Variants in ARHGEF17 observed in about 807,000 individuals in gnomAD.
ARHGEF17 encodes 164 kDa Rho-specific guanine-nucleotide exchange factor.
In ARHGEF17, 80 loss-of-function variants were observed where a neutral mutation model predicts 174.0. That is an observed-to-expected ratio of 0.46 (90% CI 0.38 to 0.55). The LOEUF is 0.55. ARHGEF17 is among the 20% of genes least tolerant of loss of function. The pLI, the probability that ARHGEF17 is intolerant of heterozygous loss-of-function variation, is 0.00. For synonymous variants in ARHGEF17, 1,311 were observed against 1,189.1 expected, an observed-to-expected ratio of 1.10 and a Z score of -2.11; for missense variants, 2,886 against 2,839.7, an observed-to-expected ratio of 1.02 and a Z score of -0.37.
At chr11:73,353,709 A>G (rs1865592770) in intron 3 of ARHGEF17, among the ~76,000 whole-genome samples, 1 of 152,208 alleles carries the variant, frequency 6.6e-6, no homozygotes, top group African/African-American at 2.4e-5. Context: ...ACCACAGGCC[A>G]GATCTCCACT....
At chr11:73,339,269 A>C (rs1865332098) in intron 1 of ARHGEF17, among the ~76,000 whole-genome samples, 1 of 152,238 alleles carries the variant, frequency 6.6e-6, no homozygotes, top group Admixed American at 6.5e-5. Flanking sequence ...TAGGTGCTCT[A>C]TAAGTATTTA....
intron 1 of ARHGEF17, among the ~76,000 whole-genome samples, chr11:73,317,599 A>C (rs1864949926): frequency 6.6e-6 from 1 of 152,238 alleles, no homozygotes; most frequent in East Asian, 1.9e-4. Context: ...GTGCCCAGGC[A>C]GCCTGGCGCC....
chr11:73,348,508 C>A (rs1375872199), intron 2 of ARHGEF17, among the ~76,000 whole-genome samples: 1 of 152,160 alleles, frequency 6.6e-6, no homozygotes, highest in Non-Finnish European at 1.5e-5. Context: ...GTGAAAGAAG[C>A]CAGTCTCAAA....
intron 1 of ARHGEF17, among the ~76,000 whole-genome samples, chr11:73,315,373 C>T (rs1366643745): frequency 6.6e-6 from 1 of 152,198 alleles, no homozygotes; most frequent in African/African-American, 2.4e-5. Flanking sequence ...TGCACCAGGA[C>T]CCTGGCCTTG....
At chr11:73,320,333 G>A (rs1206771714) in intron 1 of ARHGEF17, among the ~76,000 whole-genome samples, 1 of 152,004 alleles carries the variant, frequency 6.6e-6, no homozygotes, top group Non-Finnish European at 1.5e-5. Context: ...GAGGATTATT[G>A]TTAAGATTAT....
At chr11:73,312,294 C>T (rs990544996) in intron 1 of ARHGEF17, among the ~76,000 whole-genome samples, 2 of 152,180 alleles carry the variant, frequency 1.3e-5, no homozygotes, top group African/African-American at 4.8e-5. Flanking sequence ...TGCCCTTCTT[C>T]GTGTGGCTTT....
intron 3 of ARHGEF17, among the ~76,000 whole-genome samples, chr11:73,355,123 G>A (rs1365776998): frequency 6.6e-6 from 1 of 152,230 alleles, no homozygotes; most frequent in African/African-American, 2.4e-5. Context: ...GGGGGGATCT[G>A]CATAAGCAAA....
intron 7 of ARHGEF17, 26 bp downstream of exon 7, chr11:73,356,785 G>A (rs539924092): frequency 3.7e-5 from 59 of 1,614,006 alleles, no homozygotes; most frequent in Middle Eastern, 1.6e-4. Context: ...GTATCTGTCC[G>A]GCTGTCCCCA....
chr11:73,331,424 T>A (rs1297139797), intron 1 of ARHGEF17, among the ~76,000 whole-genome samples: 4 of 152,104 alleles, frequency 2.6e-5, no homozygotes, highest in African/African-American at 4.8e-5. Context: ...CCTTCCTCCC[T>A]GGCCCCAGCG....
chr11:73,313,278 C>T (rs192314262), intron 1 of ARHGEF17, among the ~76,000 whole-genome samples: 172 of 152,158 alleles, frequency 1.1e-3, no homozygotes, highest in African/African-American at 4.0e-3. Flanking sequence ...AGGGCAGCTC[C>T]GGTGCCCCTG....
At chr11:73,337,917 C>T (rs531988364) in intron 1 of ARHGEF17, among the ~76,000 whole-genome samples, 61 of 152,278 alleles carry the variant, frequency 4.0e-4, no homozygotes, top group African/African-American at 1.4e-3. Flanking sequence ...CATACACGCA[C>T]CCACCTAAGC....
Position 73,364,259 on chromosome 11 carries a change from C to T in ARHGEF17, c.5401+20C>T. ...AAGCAGGTGAGTATCTGCCCTCCCC[C>T]ACACCCTGCCCCTGTCCCCTTACTG... On this transcript the variant is annotated intron_variant, in intron 17 of 20. Coordinates refer to ENST00000263674, the MANE Select transcript of ARHGEF17 (RefSeq NM_014786.4). The T allele has an allele frequency of 1.5e-5, 25 of 1,613,686 alleles. No individual in the cohort carries two copies. Among genetic ancestry groups the T allele is most frequent in the Non-Finnish European group, 2.0e-5 (24 of 1,179,636 alleles).
Position 73,310,268 on chromosome 11 carries a change from G to A in ARHGEF17, c.1630G>A (p.Ala544Thr). Residue 544 changes from alanine (A) to threonine (T), a missense_variant, in exon 1 of 21, where the codon GCA (alanine) becomes ACA (threonine). Ala to Thr is a moderately conservative substitution (Grantham distance 58, BLOSUM62 0). Coordinates refer to ENST00000263674, the MANE Select transcript of ARHGEF17 (RefSeq NM_014786.4). ...LKDLTATLRR[A>T]KSFTCSEKPM... ...GGACTTGACAGCCACTCTGCGGAGA[G>A]CAAAGTCATTCACCTGCTCTGAGAA... The A allele has an allele frequency of 6.2e-7, 1 of 1,614,042 alleles. No individual in the cohort carries two copies. The highest frequency in any genetic ancestry group is 8.5e-7 in the Non-Finnish European group (1 of 1,180,044).
intron 1 of ARHGEF17, among the ~76,000 whole-genome samples, chr11:73,330,726 T>C (rs1591733794): frequency 6.6e-6 from 1 of 152,234 alleles, no homozygotes; most frequent in South Asian, 2.1e-4. Context: ...TAGATTATCA[T>C]AGCTGGAAGA....
chr11:73,333,443 G>A (rs1865241401), intron 1 of ARHGEF17, among the ~76,000 whole-genome samples: 1 of 152,274 alleles, frequency 6.6e-6, no homozygotes, highest in African/African-American at 2.4e-5. Context: ...GATAAATTCA[G>A]TAAGGCCTAA....
intron 11 of ARHGEF17, 38 bp from the exon 12 acceptor site, chr11:73,361,050 C>A: frequency 6.4e-7 from 1 of 1,561,818 alleles, no homozygotes; most frequent in Non-Finnish European, 8.8e-7. Context: ...GGATGCTATG[C>A]TAAGCAGGGT....
At chr11:73,336,907 A>C (rs1421354541) in intron 1 of ARHGEF17, among the ~76,000 whole-genome samples, 3 of 152,242 alleles carry the variant, frequency 2.0e-5, no homozygotes, top group Admixed American at 6.5e-5. Context: ...TGGCCCCTGC[A>C]TGTGGCCTGG....
At chr11:73,336,259 A>G (rs1043815282) in intron 1 of ARHGEF17, among the ~76,000 whole-genome samples, 1 of 152,242 alleles carries the variant, frequency 6.6e-6, no homozygotes. Flanking sequence ...TAAAATGGCC[A>G]TAACAGGAAT....
At chr11:73,321,658 T>G (rs1231991336) in intron 1 of ARHGEF17, among the ~76,000 whole-genome samples, 1 of 152,200 alleles carries the variant, frequency 6.6e-6, no homozygotes, top group Non-Finnish European at 1.5e-5. Flanking sequence ...CCACTTAGTG[T>G]ATGCTTTTGA....
Sources: gnomAD v4.1 joint callset for allele counts (sites outside exome capture counted in the v4.1 genomes callset) on GRCh38, gnomAD v4.1.1 for gene constraint, MANE v1.5 for transcripts, NCBI Gene and HGNC (gene_info 2026-07-23, HGNC 2026-07-21) for gene names.